TGOLN2: variants seen among roughly 807,000 people sequenced by gnomAD.
The protein encoded by TGOLN2 is trans-Golgi network integral membrane protein 2.
TGOLN2 carries 19 observed loss-of-function variants against 31.3 expected under a neutral mutation model. The observed-to-expected ratio is 0.61, with a 90% CI of 0.42 to 0.89. TGOLN2 has a LOEUF of 0.89. Ranked by LOEUF, TGOLN2 falls within the 40% of genes least tolerant of loss-of-function variation. TGOLN2 has a pLI of 0.00. For missense variants in TGOLN2, 540 were observed against 559.2 expected (o/e 0.97, Z 0.35); for synonymous variants, 222 against 226.7 (o/e 0.98, Z 0.19).
chr2:85,322,915 C>T (rs894891721), intron 3 of TGOLN2, 174 bp from the exon 4 acceptor site: 1 of 1,128,658 alleles, frequency 8.9e-7, no homozygotes, highest in Non-Finnish European at 1.2e-6. Flanking sequence ...GAGAGGAATC[C>T]TGGCTTCTGC....
chr2:85,323,556 A>T (rs1682621607), intron 3 of TGOLN2, among the ~76,000 whole-genome samples: 1 of 152,172 alleles, frequency 6.6e-6, no homozygotes, highest in African/African-American at 2.4e-5. Context: ...ACACAGCAAG[A>T]CTCCGTCTCA....
In TGOLN2 at chr2:85,320,253, C is replaced by G. The variant is rs7607284; in HGVS notation, c.*2483G>C. The stretch of plus-strand genomic sequence containing the variant: ...GATTCTCTAAGCCTTGAGAAGTTCA[C>G]ACCAAAGCTTCAGACCAGGGAAAAT... On this transcript the variant is annotated 3_prime_UTR_variant, in exon 4 of 4. Coordinates refer to ENST00000377386, the MANE Select transcript of TGOLN2 (RefSeq NM_006464.4). 93,237 of 152,122 alleles carry G rather than the reference C, an allele frequency of 0.61. 29,371 individuals are homozygous for G. Among genetic ancestry groups the G allele is most frequent in the East Asian group, 0.96 (4,970 of 5,182 alleles). 9.4% of individuals were successfully genotyped at this position (152,122 alleles called of 1,614,324 possible).
rs1020991321 is a variant in TGOLN2, at chr2:85,321,396, C to T, written c.*1340G>A. 2.0e-5 allele frequency: 3 copies of T among 152,648 alleles called. No homozygotes were observed. The highest frequency in any genetic ancestry group is 4.8e-5 in the African/African-American group (2 of 41,456). The allele number at this position is 152,648 out of a possible 1,614,324, so 9.5% of individuals were successfully genotyped here. ...CATGGTCCTTTCTTCAGACTTACTG[C>T]CTTGACAGCACAGAATTCATCTTAT... On this transcript the variant is annotated 3_prime_UTR_variant, in exon 4 of 4. Transcript: ENST00000377386.
chr2:85,322,820 C>T (rs1558670294), intron 3 of TGOLN2, 79 bp from the exon 4 acceptor site: 1 of 1,575,342 alleles, frequency 6.3e-7, no homozygotes, highest in Middle Eastern at 1.7e-4. Flanking sequence ...ACCACAGAAA[C>T]AGCAATTAAT....
At position 85,326,739 on chromosome 2, in the gene TGOLN2, TG is replaced by T; in HGVS notation, c.992del (p.Thr331LysfsTer60). 6.2e-7 allele frequency: 1 copy of T among 1,614,040 alleles called. No homozygotes were observed. Among genetic ancestry groups the T allele is most frequent in the Non-Finnish European group, 8.5e-7 (1 of 1,179,894 alleles). ...VEPKEAEDDD[T>X]GPEEGSPPKE... ...TGGGCGGTGAGCCCTCCTCGGGTCCTGTATCATCATCTTCAGCCTCTTTGGG... is the reference window on the plus strand; with the variant it reads ...TGGGCGGTGAGCCCTCCTCGGGTCCTTATCATCATCTTCAGCCTCTTTGGG... On this transcript the variant is annotated frameshift_variant, in exon 2 of 4. Coordinates refer to ENST00000377386, the MANE Select transcript of TGOLN2 (RefSeq NM_006464.4). LOFTEE classifies it high-confidence loss of function.
In TGOLN2 at chr2:85,321,993, C is replaced by T. The variant is rs1399589837; in HGVS notation, c.*743G>A. ...GGAAGCCCAAGTTCTGTTTTATGCT[C>T]GGTACAACTAAGTGGAAGTTGATTC... is the stretch of plus-strand genomic sequence containing the variant. On this transcript the variant is annotated 3_prime_UTR_variant, in exon 4 of 4. Coordinates refer to ENST00000377386, the MANE Select transcript of TGOLN2 (RefSeq NM_006464.4). 1.3e-5 allele frequency: 2 copies of T among 152,238 alleles called. No homozygotes were observed. The highest frequency in any genetic ancestry group is 2.4e-5 in the African/African-American group (1 of 41,524). The allele number at this position is 152,238 out of a possible 1,614,324, so 9.4% of individuals were successfully genotyped here.
chr2:85,325,040 A>G (rs1682684352), intron 2 of TGOLN2, 42 bp from the exon 3 acceptor site: 1 of 1,537,706 alleles, frequency 6.5e-7, no homozygotes. Flanking sequence ...GTGGCTCTGT[A>G]ATGACATAGT....
Position 85,322,397 on chromosome 2 carries a change from T to G in TGOLN2, c.*339A>C. 2.6e-6 allele frequency: 1 copy of G among 389,882 alleles called. No individual in the cohort carries two copies. The allele number at this position is 389,882 out of a possible 1,614,324, so 24.2% of individuals were successfully genotyped here. A position where few individuals can be genotyped will look rare whatever the true frequency, so the allele number is the denominator to read the frequency against. On this transcript the variant is annotated 3_prime_UTR_variant, in exon 4 of 4. Transcript: ENST00000377386. ...AGCCTGCCCAGGCTGGGATCTCCCT[T>G]TGGTCATAGCCGTGTTTCCATATAC...
In TGOLN2 at chr2:85,320,579, T is replaced by C. The variant is rs1446111001; in HGVS notation, c.*2157A>G. 1 of 152,146 alleles carries C rather than the reference T, an allele frequency of 6.6e-6. No individual in the cohort carries two copies. The highest frequency in any genetic ancestry group is 1.5e-5 in the Non-Finnish European group (1 of 68,036). 9.4% of individuals were successfully genotyped at this position (152,146 alleles called of 1,614,324 possible). A position where few individuals can be genotyped will look rare whatever the true frequency, so the allele number is the denominator to read the frequency against. On this transcript the variant is annotated 3_prime_UTR_variant, in exon 4 of 4. Coordinates refer to ENST00000377386, the MANE Select transcript of TGOLN2 (RefSeq NM_006464.4). ...CAGGCTGATGGACAGAAGAGAGAAATTCCTTTCAATGACAACCAAGCTGAA... is the reference window on the plus strand; with the variant it reads ...CAGGCTGATGGACAGAAGAGAGAAACTCCTTTCAATGACAACCAAGCTGAA...
At chr2:85,323,311 A>G (rs867426755) in intron 3 of TGOLN2, among the ~76,000 whole-genome samples, 2 of 152,118 alleles carry the variant, frequency 1.3e-5, no homozygotes, top group Non-Finnish European at 2.9e-5. Flanking sequence ...CACGCCTGTA[A>G]TCCCAGCACT....
chr2:85,324,854 G>A (rs1682676691), intron 3 of TGOLN2, 61 bp downstream of exon 3: 1 of 1,439,530 alleles, frequency 6.9e-7, no homozygotes, highest in Non-Finnish European at 9.6e-7. Flanking sequence ...CCACTACTGG[G>A]TCCATCTGAC....
At position 85,327,089 on chromosome 2, in the gene TGOLN2, G is replaced by C. The variant is rs761149790; in HGVS notation, c.643C>G (p.Gln215Glu). 2 of 1,613,760 alleles carry C rather than the reference G, an allele frequency of 1.2e-6. No homozygotes were observed. The highest frequency in any genetic ancestry group is 8.5e-7 in the Non-Finnish European group (1 of 1,179,806). The change falls in exon 2 of 4, where the codon CAG (glutamine) becomes GAG (glutamate). Residue 215 changes from glutamine to glutamate, a missense_variant. Transcript: ENST00000377386. ...TTGTTAGAGCCGTCTTTTGGAGTCTGCTTCTCCGCACCCGACTTGTTAGGG... is the reference window on the plus strand; with the variant it reads ...TTGTTAGAGCCGTCTTTTGGAGTCTCCTTCTCCGCACCCGACTTGTTAGGG... ...DVPNKSGAEK[Q>E]TPKDGSNKSG...
At position 85,321,127 on chromosome 2, in the gene TGOLN2, G is replaced by T. The variant is rs1261830354; in HGVS notation, c.*1609C>A. The stretch of plus-strand genomic sequence containing the variant: ...AAAACATGAGGAGGGGAAAGGAAGG[G>T]AAAAGGAAGGCAGGCAGGGAGAGAG... On this transcript the variant is annotated 3_prime_UTR_variant, in exon 4 of 4. Coordinates refer to ENST00000377386, the MANE Select transcript of TGOLN2 (RefSeq NM_006464.4). 1 of 152,262 alleles carries T rather than the reference G, an allele frequency of 6.6e-6. No individual in the cohort carries two copies. Among genetic ancestry groups the T allele is most frequent in the African/African-American group, 2.4e-5 (1 of 41,384 alleles). 9.4% of individuals were successfully genotyped at this position (152,262 alleles called of 1,614,324 possible). A position where few individuals can be genotyped will look rare whatever the true frequency, so the allele number is the denominator to read the frequency against.
chr2:85,327,065 T>A lies in TGOLN2; in HGVS notation c.667A>T (p.Lys223Ter). The part of the protein sequence containing the change: ...EKQTPKDGSN[K>*]SGAEEQGPID... ...GGGCCCTGCTCCTCTGCACCGGACTTGTTAGAGCCGTCTTTTGGAGTCTGC... is the reference window on the plus strand; with the variant it reads ...GGGCCCTGCTCCTCTGCACCGGACTAGTTAGAGCCGTCTTTTGGAGTCTGC... Residue 223 changes from lysine (K) to a stop codon, truncating the protein, a stop_gained, in exon 2 of 4, where the codon AAG (lysine) becomes TAG (stop). Coordinates refer to ENST00000377386, the MANE Select transcript of TGOLN2 (RefSeq NM_006464.4). LOFTEE classifies it high-confidence loss of function. 2 of 1,613,306 alleles carry A rather than the reference T, an allele frequency of 1.2e-6. No individual in the cohort carries two copies. Among genetic ancestry groups the A allele is most frequent in the Non-Finnish European group, 1.7e-6 (2 of 1,179,674 alleles).
chr2:85,327,773 G>A lies in TGOLN2; in HGVS notation c.47-88C>T, dbSNP rs551421012. ...CTGGAAGAGATCGGGAGCAGCGGGG[G>A]AATGGGGATTGGGGGGTGGGGCGGG... is the stretch of plus-strand genomic sequence containing the variant. On this transcript the variant is annotated intron_variant, in intron 1 of 3. Transcript: ENST00000377386. 368 of 635,804 alleles carry A rather than the reference G, an allele frequency of 5.8e-4. No individual in the cohort carries two copies. In the African/African-American group the frequency reaches 6.7e-3, roughly 12 times the overall value. The allele number at this position is 635,804 out of a possible 1,614,324, so 39.4% of individuals were successfully genotyped here. A position where few individuals can be genotyped will look rare whatever the true frequency, so the allele number is the denominator to read the frequency against.
chr2:85,326,846 T>C lies in TGOLN2; in HGVS notation c.886A>G (p.Thr296Ala), dbSNP rs770852099. 2 of 1,614,012 alleles carry C rather than the reference T, an allele frequency of 1.2e-6. No individual in the cohort carries two copies. The highest frequency in any genetic ancestry group is 2.2e-5 in the East Asian group (1 of 44,888). ...KGKLSPHAFK[T>A]ESGEETDLIS... is the part of the protein sequence containing the mutation. ...AGGTCAGTTTCCTCCCCAGATTCGG[T>C]TTTGAAAGCATGAGGAGAAAGCTTC... The change falls in exon 2 of 4, where the codon ACC (threonine) becomes GCC (alanine). Residue 296 changes from threonine to alanine, a missense_variant. By Grantham distance (58) the Thr-to-Ala change is moderately conservative. Transcript: ENST00000377386.
chr2:85,327,490 G>A lies in TGOLN2; in HGVS notation c.242C>T (p.Pro81Leu). ...SAEAQTPEDT[P>L]NKSGAEAKTQ... ...CTTTGCCTCCGCACCCGACTTGTTG[G>A]GGGTGTCTTCTGGGGTCTGCGCCTC... is the stretch of plus-strand genomic sequence containing the variant. Residue 81 changes from proline (P) to leucine (L), a missense_variant, in exon 2 of 4, where the codon CCC (proline) becomes CTC (leucine). By Grantham distance (98) the Pro-to-Leu change is moderately conservative. Coordinates refer to ENST00000377386, the MANE Select transcript of TGOLN2 (RefSeq NM_006464.4). 2 of 1,613,976 alleles carry A rather than the reference G, an allele frequency of 1.2e-6. No homozygotes were observed. The highest frequency in any genetic ancestry group is 1.7e-6 in the Non-Finnish European group (2 of 1,179,886).
At chr2:85,324,828 C>A in intron 3 of TGOLN2, 87 bp downstream of exon 3, 1 of 1,246,394 alleles carries the variant, frequency 8.0e-7, no homozygotes, top group South Asian at 1.3e-5. Flanking sequence ...ACTGCTGCTT[C>A]ATGGCAAATG....
intron 1 of TGOLN2, 100 bp from the exon 2 acceptor site, chr2:85,327,785 G>A: frequency 1.3e-6 from 2 of 1,486,538 alleles, no homozygotes. Flanking sequence ...ATGGGGATTG[G>A]GGGGTGGGGC....
Sources: gnomAD v4.1 joint callset for allele counts (sites outside exome capture counted in the v4.1 genomes callset) on GRCh38, gnomAD v4.1.1 for gene constraint, MANE v1.5 for transcripts, NCBI Gene and HGNC (gene_info 2026-07-23, HGNC 2026-07-21) for gene names.